The following NOP9 variants were observed in gnomAD, a reference collection of about 807,000 sequenced individuals.
NOP9 encodes the protein nucleolar protein 9.
Under a neutral mutation model 63.0 loss-of-function variants are expected in NOP9, and 50 were observed. That is an observed-to-expected ratio of 0.79 (90% confidence interval 0.63 to 1.00). NOP9 has a LOEUF of 1.00. Among genes scored for constraint, NOP9 ranks in the 50% least tolerant of loss-of-function variants. NOP9 has a pLI of 0.00. For synonymous variants in NOP9, 343 were observed against 332.8 expected (o/e 1.03, Z -0.33); for missense variants, 758 against 803.0 (o/e 0.94, Z 0.68).
rs2041343366 is a variant in NOP9 at position 24,300,133 on chromosome 14, A to C, written c.179A>C (p.Glu60Ala). Residue 60 changes from glutamate (E) to alanine (A), a missense_variant, in exon 1 of 10, where the codon GAA becomes GCA. Transcript: ENST00000267425. ...APDSHPHLSP[E>A]ALGYFRRALS... ...GATTCGCACCCGCACCTGAGCCCGG[A>C]AGCTCTGGGATATTTCCGCCGGGCG... 1 of 1,613,796 alleles carries C rather than the reference A, an allele frequency of 6.2e-7. No homozygotes were observed. The highest frequency in any genetic ancestry group is 1.7e-5 in the Admixed American group (1 of 60,004).
chr14:24,306,534 G>A lies in NOP9; in HGVS notation c.*1439G>A, dbSNP rs2041513788. The A allele has an allele frequency of 6.2e-7, 1 of 1,614,104 alleles. No homozygotes were observed. The highest frequency in any genetic ancestry group is 1.7e-5 in the Admixed American group (1 of 60,002). ...TAGGGTCTCCAATGCCTGCCCAATGGCAAGAAGCAAGAAGGGCAGGTCTTA... is the reference window on the plus strand; with the variant it reads ...TAGGGTCTCCAATGCCTGCCCAATGACAAGAAGCAAGAAGGGCAGGTCTTA... On this transcript the variant is annotated 3_prime_UTR_variant, in exon 10 of 10. Transcript: ENST00000267425.
chr14:24,276,009 G>A, the NOP9 span, among the ~76,000 whole-genome samples: 7 of 152,158 alleles, frequency 4.6e-5, no homozygotes, highest in East Asian at 3.8e-4. Context: ...ACTGCTAAGC[G>A]CTTGAAATGT....
At chr14:24,300,349 G>A (rs2041347568) in intron 1 of NOP9, 59 bp from the exon 2 acceptor site, 1 of 1,563,646 alleles carries the variant, frequency 6.4e-7, no homozygotes, top group Non-Finnish European at 8.7e-7. Flanking sequence ...GTTAAGCGAG[G>A]GTACATAACT....
chr14:24,304,839 T>G (rs1343909804), intron 9 of NOP9, 99 bp from the exon 10 acceptor site: 3 of 1,332,548 alleles, frequency 2.3e-6, no homozygotes, highest in Non-Finnish European at 2.0e-6. Context: ...TTTATCCCAG[T>G]GGCAGTCCCA....
the NOP9 span, among the ~76,000 whole-genome samples, chr14:24,286,424 A>G: frequency 6.6e-6 from 1 of 152,142 alleles, no homozygotes; most frequent in African/African-American, 2.4e-5. Flanking sequence ...CCTCAGCCCC[A>G]GTGAACTTCC....
the NOP9 span, among the ~76,000 whole-genome samples, chr14:24,288,945 G>C: frequency 0.4 from 60,725 of 151,724 alleles, 13,279 homozygotes; most frequent in Middle Eastern, 0.59. Flanking sequence ...TCCTGAGTAG[G>C]TGGGACCACA....
rs1007478174 is a variant in NOP9, at chr14:24,307,164, G to C, written c.*2069G>C. The C allele has an allele frequency of 2.7e-5, 13 of 484,538 alleles. No individual in the cohort carries two copies. Among genetic ancestry groups the C allele is most frequent in the Admixed American group, 2.2e-4 (6 of 26,920 alleles). 30.0% of individuals were successfully genotyped at this position (484,538 alleles called of 1,614,324 possible). On this transcript the variant is annotated 3_prime_UTR_variant, in exon 10 of 10. Transcript: ENST00000267425. ...GTCCCTCGAACTCTCCCTATCTCCT[G>C]CTAACCCCTGCTCCCATAGAAAAGC...
chr14:24,306,089 T>C lies in NOP9; in HGVS notation c.*994T>C, dbSNP rs1282135781. The stretch of plus-strand genomic sequence containing the variant: ...TCAAAGGTGAATCGGGCGATGTCCT[T>C]GCTGTGCTTGGGCCTCTCCCGTCCC... On this transcript the variant is annotated 3_prime_UTR_variant, in exon 10 of 10. Transcript: ENST00000267425. The C allele has an allele frequency of 6.2e-7, 1 of 1,614,146 alleles. No individual in the cohort carries two copies. The highest frequency in any genetic ancestry group is 8.5e-7 in the Non-Finnish European group (1 of 1,180,016).
chr14:24,294,321 C>T, the NOP9 span: 1 of 152,118 alleles, frequency 6.6e-6, no homozygotes. Context: ...AGTATGGTGG[C>T]TCATGCCTAT....
chr14:24,302,114 C>T lies in NOP9; in HGVS notation c.950+8C>T. 1.2e-6 allele frequency: 2 copies of T among 1,611,458 alleles called. No individual in the cohort carries two copies. The highest frequency in any genetic ancestry group is 1.7e-6 in the Non-Finnish European group (2 of 1,178,150). On this transcript the variant is annotated splice_region_variant and intron_variant, in intron 4 of 9. Transcript: ENST00000267425. Reference sequence around the variant, plus strand: ...TTCCTCAGTAGATGGCAGGTATGGTCAGGGCCTCAGGATCGACCCAAGTTG... The same window carrying T: ...TTCCTCAGTAGATGGCAGGTATGGTTAGGGCCTCAGGATCGACCCAAGTTG...
Position 24,299,943 on chromosome 14 carries a change from C to G in NOP9, c.-12C>G. ...AGGAAGCTTTTGCAGCCGGACAGGT[C>G]GCGAAGCACACATGGGGCAGGGTCC... is the stretch of plus-strand genomic sequence containing the variant. On this transcript the variant is annotated 5_prime_UTR_variant, in exon 1 of 10. Transcript: ENST00000267425. The G allele has an allele frequency of 6.6e-7, 1 of 1,525,004 alleles. No homozygotes were observed. Among genetic ancestry groups the G allele is most frequent in the Non-Finnish European group, 8.8e-7 (1 of 1,137,534 alleles). The allele number at this position is 1,525,004 out of a possible 1,614,324, so 94.5% of individuals were successfully genotyped here. A position where few individuals can be genotyped will look rare whatever the true frequency, so the allele number is the denominator to read the frequency against.
At position 24,307,579 on chromosome 14, in the gene NOP9, A is replaced by G; in HGVS notation, c.*2484A>G. 2 of 1,542,782 alleles carry G rather than the reference A, an allele frequency of 1.3e-6. No individual in the cohort carries two copies. Among genetic ancestry groups the G allele is most frequent in the Non-Finnish European group, 8.8e-7 (1 of 1,131,264 alleles). ...GGGCTTGGTGAGTGTAAAGGGCATG[A>G]TGAGGGTAGAGTGGCTAGAGGGCTA... On this transcript the variant is annotated 3_prime_UTR_variant, in exon 10 of 10. Transcript: ENST00000267425.
chr14:24,292,542 G>A, the NOP9 span: 11 of 1,581,428 alleles, frequency 7.0e-6, no homozygotes, highest in African/African-American at 8.1e-5. Context: ...CAGAGGAGGA[G>A]CTGAGAGGAG....
chr14:24,272,943 TAA>T, the NOP9 span, among the ~76,000 whole-genome samples: 1 of 152,254 alleles, frequency 6.6e-6, no homozygotes, highest in African/African-American at 2.4e-5. Flanking sequence ...GGAAGTTCTC[TAA>T]AATGCCCCAG....
the NOP9 span, among the ~76,000 whole-genome samples, chr14:24,281,323 C>A: frequency 2.6e-5 from 4 of 152,198 alleles, no homozygotes; most frequent in African/African-American, 7.2e-5. Context: ...GCTGGCCCAG[C>A]ATACCTCCCC....
the NOP9 span, among the ~76,000 whole-genome samples, chr14:24,287,226 C>T: frequency 6.6e-6 from 1 of 152,212 alleles, no homozygotes; most frequent in African/African-American, 2.4e-5. Context: ...ACCTGCAGCC[C>T]TTCTTGGAGG....
chr14:24,288,314 G>A, the NOP9 span, among the ~76,000 whole-genome samples: 1 of 152,264 alleles, frequency 6.6e-6, no homozygotes, highest in South Asian at 2.1e-4. Flanking sequence ...CTGGTGCAGA[G>A]CAGGCTGTTA....
rs142793921 is a variant in NOP9 at position 24,302,391 on chromosome 14, G to A, written c.1110G>A (p.Gln370=). 1.5e-5 allele frequency: 25 copies of A among 1,613,360 alleles called. No individual in the cohort carries two copies. The African/African-American group carries it at 3.2e-4, about 21-fold the overall frequency. The change falls in exon 5 of 10, where the codon CAG becomes CAA. Residue 370 remains glutamine, a synonymous_variant. Transcript: ENST00000267425. The part of the protein sequence containing the change: ...AAHPIANFPL[Q]RLLDAVTTPE... Reference sequence around the variant, plus strand: ...ATCCCATTGCCAACTTCCCTTTGCAGCGCTTACTGGATGCAGTCACTACCC... The same window carrying A: ...ATCCCATTGCCAACTTCCCTTTGCAACGCTTACTGGATGCAGTCACTACCC...
chr14:24,283,848 C>T, the NOP9 span, among the ~76,000 whole-genome samples: 1 of 152,254 alleles, frequency 6.6e-6, no homozygotes, highest in African/African-American at 2.4e-5. Context: ...TCTTCGATAC[C>T]ACCTGCAGAA....
Sources: gnomAD v4.1 joint callset for allele counts (sites outside exome capture counted in the v4.1 genomes callset) on GRCh38, gnomAD v4.1.1 for gene constraint, MANE v1.5 for transcripts, NCBI Gene and HGNC (gene_info 2026-07-23, HGNC 2026-07-21) for gene names.